The following ZNF341 variants were observed in gnomAD, a reference collection of about 807,000 sequenced individuals.
ZNF341 encodes zinc finger protein 341.
In ZNF341, 52 loss-of-function variants were observed where a neutral mutation model predicts 87.7. The ratio of observed to expected loss-of-function variants is 0.59; its 90% CI spans 0.47 to 0.75. The LOEUF is 0.75. ZNF341 is among the 30% of genes least tolerant of loss of function. The pLI, the probability that ZNF341 is intolerant of heterozygous loss-of-function variation, is 0.00. For missense variants in ZNF341, 977 were observed against 1,145.9 expected (o/e 0.85, Z 2.13); for synonymous variants, 459 against 472.7 (o/e 0.97, Z 0.38).
chr20:33,787,457 CA>C (rs969557165), intron 12 of ZNF341: 2 of 152,108 alleles, frequency 1.3e-5, no homozygotes, highest in African/African-American at 4.8e-5. Flanking sequence ...GATGGTTTTT[CA>C]GAAGTACTTT....
chr20:33,778,669 G>T (rs1358138145), intron 10 of ZNF341, among the ~76,000 whole-genome samples: 2 of 152,174 alleles, frequency 1.3e-5, no homozygotes, highest in Non-Finnish European at 2.9e-5. Context: ...GGTCTATGGG[G>T]CTCCCCTGGG....
chr20:33,745,378 A>G (rs2018897366), intron 3 of ZNF341, 79 bp downstream of exon 3: 8 of 1,383,874 alleles, frequency 5.8e-6, no homozygotes, highest in South Asian at 1.3e-5. Flanking sequence ...CACTGGGGCT[A>G]TAGCAATGGA....
chr20:33,776,750 C>A (rs1476793587), intron 10 of ZNF341, among the ~76,000 whole-genome samples: 5 of 152,048 alleles, frequency 3.3e-5, no homozygotes, highest in African/African-American at 1.2e-4. Context: ...CAGCTATTCA[C>A]AGGTGTGGTC....
At chr20:33,736,772 A>T (rs1273193097) in intron 1 of ZNF341, among the ~76,000 whole-genome samples, 2 of 152,210 alleles carry the variant, frequency 1.3e-5, no homozygotes, top group Non-Finnish European at 1.5e-5. Context: ...AAATGCTAAA[A>T]CACTCACAAT....
chr20:33,738,006 G>A (rs139160488), intron 1 of ZNF341, among the ~76,000 whole-genome samples: 9 of 151,786 alleles, frequency 5.9e-5, no homozygotes, highest in Admixed American at 4.6e-4. Flanking sequence ...GCATGGGGGC[G>A]TGTGCCTATA....
chr20:33,766,611 G>A lies in ZNF341; in HGVS notation c.1223-240G>A, dbSNP rs145003045. Among the ~76,000 whole-genome samples the A allele has an allele frequency of 5.9e-5, 9 of 152,288 alleles. No individual in the cohort carries two copies. The East Asian group carries it at 1.5e-3, about 26-fold the overall frequency. On this transcript the variant is annotated intron_variant, in intron 8 of 14. Coordinates refer to ENST00000375200, the MANE Select transcript of ZNF341 (RefSeq NM_001282933.2). The stretch of plus-strand genomic sequence containing the variant: ...CAGTGTCTGAGGGGAAGGCCAGAGA[G>A]GGGAGGCTCGAGGCAGCAGCTGTTT...
rs2377896 is a variant in ZNF341 at position 33,749,717 on chromosome 20, G to A, written c.489+645G>A. Among the ~76,000 whole-genome samples the A allele has an allele frequency of 1.6e-3, 236 of 150,874 alleles. 1 individual carries two copies. Among genetic ancestry groups the A allele is most frequent in the African/African-American group, 5.4e-3 (220 of 41,066 alleles). ...AAAGTGCTGGGATTACAGGATTACA[G>A]GTGTGAGCCACTGCACCCAGCCTGA... On this transcript the variant is annotated intron_variant, in intron 4 of 14. Coordinates refer to ENST00000375200, the MANE Select transcript of ZNF341 (RefSeq NM_001282933.2).
chr20:33,748,916 T>C lies in ZNF341; in HGVS notation c.340-7T>C. ...GTCTCACTCATTCTCTCTCTCCCAC[T>C]GTCCAGATCTCCACATACATCACAG... On this transcript the variant is annotated splice_polypyrimidine_tract_variant and splice_region_variant and intron_variant, in intron 3 of 14. Coordinates refer to ENST00000375200, the MANE Select transcript of ZNF341 (RefSeq NM_001282933.2). 1 of 1,608,674 alleles carries C rather than the reference T, an allele frequency of 6.2e-7. No homozygotes were observed. Among genetic ancestry groups the C allele is most frequent in the Non-Finnish European group, 8.5e-7 (1 of 1,175,892 alleles).
chr20:33,738,253 A>T (rs910334233), intron 1 of ZNF341, among the ~76,000 whole-genome samples: 1 of 152,188 alleles, frequency 6.6e-6, no homozygotes, highest in Non-Finnish European at 1.5e-5. Context: ...GTCCTGGGCA[A>T]CATAGGGAGA....
chr20:33,764,543 G>GTGTATA (rs1332743148), intron 8 of ZNF341, among the ~76,000 whole-genome samples: 1 of 69,338 alleles, frequency 1.4e-5, no homozygotes, highest in African/African-American at 6.8e-5. Flanking sequence ...GTGTGTATGT[G>GTGTATA]TATATATATA....
chr20:33,743,326 C>G (rs1029582125), intron 2 of ZNF341, among the ~76,000 whole-genome samples: 11 of 149,164 alleles, frequency 7.4e-5, no homozygotes, highest in Non-Finnish European at 1.5e-4. Flanking sequence ...AGCCACCGCA[C>G]CCTGCCCAAT....
At chr20:33,769,022 G>A (rs1209252071) in intron 9 of ZNF341, among the ~76,000 whole-genome samples, 9 of 152,152 alleles carry the variant, frequency 5.9e-5, no homozygotes, top group Non-Finnish European at 1.3e-4. Context: ...AAGTCAGATT[G>A]TCAAATTACA....
intron 4 of ZNF341, chr20:33,752,118 C>A: frequency 9.1e-6 from 3 of 330,720 alleles, no homozygotes; most frequent in Non-Finnish European, 1.7e-5. Flanking sequence ...GCCCCCCCCC[C>A]TTTTTTTTTA....
intron 1 of ZNF341, among the ~76,000 whole-genome samples, chr20:33,736,227 C>T (rs2018682454): frequency 6.6e-6 from 1 of 151,200 alleles, no homozygotes; most frequent in Non-Finnish European, 1.5e-5. Flanking sequence ...CCTCCTCCCC[C>T]ACTCTAGTGG....
rs756167334 is a variant in ZNF341 at position 33,761,931 on chromosome 20, G to A, written c.1098G>A (p.Lys366=). 3.1e-6 allele frequency: 5 copies of A among 1,606,846 alleles called. No individual in the cohort carries two copies. Among genetic ancestry groups the A allele is most frequent in the Non-Finnish European group, 3.4e-6 (4 of 1,174,912 alleles). ...GRAFAQKSNV[K]KHMQTHKVWP... ...CCTTTGCCCAGAAGTCTAATGTTAA[G>A]AAACACATGCAGACCCACAAGGTGT... Residue 366 remains lysine, a synonymous_variant, in exon 8 of 15, where the codon AAG becomes AAA. Coordinates refer to ENST00000375200, the MANE Select transcript of ZNF341 (RefSeq NM_001282933.2).
chr20:33,744,738 C>T (rs1301534134), intron 2 of ZNF341, among the ~76,000 whole-genome samples: 9 of 151,996 alleles, frequency 5.9e-5, no homozygotes, highest in East Asian at 5.8e-4. Context: ...ACTATAGGCG[C>T]GCACCACCAT....
chr20:33,750,867 C>T (rs916447843), intron 4 of ZNF341, among the ~76,000 whole-genome samples: 1 of 152,180 alleles, frequency 6.6e-6, no homozygotes, highest in Admixed American at 6.5e-5. Context: ...TCTTGAACTC[C>T]TGACCTCAGG....
intron 8 of ZNF341, among the ~76,000 whole-genome samples, chr20:33,762,491 T>C (rs2019314664): frequency 6.6e-6 from 1 of 151,992 alleles, no homozygotes; most frequent in South Asian, 2.1e-4. Context: ...AATGAATAAA[T>C]AAATAGGGGA....
Position 33,732,896 on chromosome 20 carries a change from T to G in ZNF341, c.31+844T>G, listed in dbSNP as rs2018603728. Among the ~76,000 whole-genome samples, 1 of 152,150 alleles carries G rather than the reference T, an allele frequency of 6.6e-6. No individual in the cohort carries two copies. Among genetic ancestry groups the G allele is most frequent in the Non-Finnish European group, 1.5e-5 (1 of 68,026 alleles). ...AGCGACTCGGGGCCATGGCGCAGAA[T>G]AGATATTGTGGGAAATACAGACCAA... is the stretch of plus-strand genomic sequence containing the variant. On this transcript the variant is annotated intron_variant, in intron 1 of 14. Coordinates refer to ENST00000375200, the MANE Select transcript of ZNF341 (RefSeq NM_001282933.2). The surrounding 1 kb of genome is among the most constrained non-coding windows in gnomAD (Gnocchi z 4.5).
Sources: allele counts gnomAD v4.1 joint callset (sites outside exome capture counted in the v4.1 genomes callset), GRCh38; gene constraint gnomAD v4.1.1; non-coding constraint Gnocchi (gnomAD v3.1); transcripts MANE v1.5; gene names NCBI Gene and HGNC (gene_info 2026-07-23, HGNC 2026-07-21).